The following SORCS2 variants were observed in gnomAD, a reference collection of about 807,000 sequenced individuals.
The protein encoded by SORCS2 is VPS10 domain-containing receptor SorCS2.
Under a neutral mutation model 141.6 loss-of-function variants are expected in SORCS2, and 100 were observed. The observed-to-expected ratio is 0.71, with a 90% CI of 0.60 to 0.83. The LOEUF is 0.83. Ranked by LOEUF, SORCS2 falls within the 40% of genes least tolerant of loss-of-function variation. SORCS2 has a pLI of 0.00. For missense variants in SORCS2, 1,646 were observed against 1,560.2 expected (o/e 1.05, Z -0.93); for synonymous variants, 789 against 676.9 (o/e 1.17, Z -2.57).
intron 1 of SORCS2, among the ~76,000 whole-genome samples, chr4:7,374,146 T>C (rs1170673116): frequency 5.6e-5 from 8 of 142,608 alleles, no homozygotes; most frequent in Non-Finnish European, 1.1e-4. Context: ...TTTCTTTCTT[T>C]CTTTCTTTCT....
intron 2 of SORCS2, among the ~76,000 whole-genome samples, chr4:7,419,421 G>T (rs908629676): frequency 5.3e-5 from 8 of 152,158 alleles, no homozygotes; most frequent in Non-Finnish European, 1.2e-4. Context: ...CACATGGCCA[G>T]AACTCAGGTT....
At chr4:7,241,996 A>T (rs1355371257) in intron 1 of SORCS2, among the ~76,000 whole-genome samples, 1 of 152,116 alleles carries the variant, frequency 6.6e-6, no homozygotes, top group Non-Finnish European at 1.5e-5. Flanking sequence ...TGTTGGGGGT[A>T]CCGGGCAGAG....
chr4:7,566,549 C>A (rs1301544691), intron 3 of SORCS2, among the ~76,000 whole-genome samples: 1 of 152,254 alleles, frequency 6.6e-6, no homozygotes, highest in Non-Finnish European at 1.5e-5. Context: ...TGGAATAATT[C>A]ATACCAGCTG....
At chr4:7,738,371 A>G (rs1671062338) in intron 26 of SORCS2, among the ~76,000 whole-genome samples, 1 of 152,198 alleles carries the variant, frequency 6.6e-6, no homozygotes, top group Non-Finnish European at 1.5e-5. Context: ...CCTAGAGCTG[A>G]GGACATGGAA....
At chr4:7,630,634 G>A (rs1027306307) in intron 3 of SORCS2, among the ~76,000 whole-genome samples, 1 of 152,182 alleles carries the variant, frequency 6.6e-6, no homozygotes, top group Non-Finnish European at 1.5e-5. Flanking sequence ...AGCGAGCTGT[G>A]TGCATTCAGC....
chr4:7,386,319 C>T (rs1288853428), intron 1 of SORCS2, among the ~76,000 whole-genome samples: 1 of 100,894 alleles, frequency 9.9e-6, no homozygotes, highest in African/African-American at 4.1e-5. Context: ...TTTGCACACA[C>T]GCACACATAT....
intron 2 of SORCS2, among the ~76,000 whole-genome samples, chr4:7,428,883 T>A (rs938810386): frequency 1.3e-5 from 2 of 151,886 alleles, no homozygotes; most frequent in African/African-American, 4.8e-5. Context: ...GAGGGGGTGG[T>A]GGCGCAGGGG....
chr4:7,657,505 G>A (rs1007847717), intron 5 of SORCS2, among the ~76,000 whole-genome samples: 8 of 150,368 alleles, frequency 5.3e-5, no homozygotes, highest in East Asian at 3.8e-4. Flanking sequence ...ATGAGTAAAT[G>A]AATGAGTAAA....
At chr4:7,216,450 C>T (rs1235868733) in intron 1 of SORCS2, among the ~76,000 whole-genome samples, 2 of 152,238 alleles carry the variant, frequency 1.3e-5, no homozygotes, top group African/African-American at 4.8e-5. Context: ...TGAAGCAACA[C>T]AGCTTCATTG....
At chr4:7,527,589 C>T (rs1002610381) in intron 2 of SORCS2, among the ~76,000 whole-genome samples, 1 of 152,206 alleles carries the variant, frequency 6.6e-6, no homozygotes, top group African/African-American at 2.4e-5. Context: ...AGACCCCCTG[C>T]AGACTCCTGC....
intron 18 of SORCS2, among the ~76,000 whole-genome samples, chr4:7,723,488 A>G (rs1357172850): frequency 6.6e-6 from 1 of 152,022 alleles, no homozygotes; most frequent in Non-Finnish European, 1.5e-5. Context: ...CCCTAGTTAA[A>G]CCAGCTGCCT....
chr4:7,199,233 T>C (rs1004910421), intron 1 of SORCS2, among the ~76,000 whole-genome samples: 4 of 152,190 alleles, frequency 2.6e-5, no homozygotes, highest in African/African-American at 9.7e-5. Context: ...CTTGAAGTGC[T>C]TGTGGTCCAA....
At chr4:7,727,621 C>T (rs983943953) in intron 21 of SORCS2, among the ~76,000 whole-genome samples, 1 of 152,186 alleles carries the variant, frequency 6.6e-6, no homozygotes, top group African/African-American at 2.4e-5. Context: ...CTTGGCTATT[C>T]TTCATTCATT....
At chr4:7,434,787 C>T (rs780613090) in intron 2 of SORCS2, 55 of 1,611,368 alleles carry the variant, frequency 3.4e-5, no homozygotes, top group African/African-American at 2.9e-4. Flanking sequence ...GACACCACAC[C>T]GTGGAGCCCT....
intron 4 of SORCS2, among the ~76,000 whole-genome samples, chr4:7,639,475 A>G (rs758979554): frequency 2.6e-4 from 38 of 147,820 alleles, no homozygotes; most frequent in Non-Finnish European, 4.0e-4. Flanking sequence ...TGTCAGTGTG[A>G]ATGGGTGTGA....
intron 3 of SORCS2, among the ~76,000 whole-genome samples, chr4:7,602,989 T>A (rs1717833809): frequency 6.6e-6 from 1 of 152,152 alleles, no homozygotes; most frequent in South Asian, 2.1e-4. Context: ...AAACCCCGTC[T>A]CCACCAAAAA....
At chr4:7,738,530 C>T (rs183729961) in intron 26 of SORCS2, among the ~76,000 whole-genome samples, 234 of 152,280 alleles carry the variant, frequency 1.5e-3, no homozygotes, top group African/African-American at 5.2e-3. Context: ...TTTATGGTGA[C>T]GTCGGCACAC....
intron 2 of SORCS2, among the ~76,000 whole-genome samples, chr4:7,507,860 C>T (rs1339512842): frequency 2.0e-5 from 3 of 152,156 alleles, no homozygotes; most frequent in Admixed American, 1.3e-4. Flanking sequence ...AGATCCAAGA[C>T]ATAAAAATTT....
At chr4:7,232,485 G>A (rs1473112686) in intron 1 of SORCS2, among the ~76,000 whole-genome samples, 4 of 152,170 alleles carry the variant, frequency 2.6e-5, no homozygotes, top group African/African-American at 7.2e-5. Context: ...CCAGGATGGC[G>A]GATTTATTCT....
Sources: allele counts gnomAD v4.1 joint callset (sites outside exome capture counted in the v4.1 genomes callset), GRCh38; gene constraint gnomAD v4.1.1; transcripts MANE v1.5; gene names NCBI Gene and HGNC (gene_info 2026-07-23, HGNC 2026-07-21).